The following MTMR14 variants were observed in gnomAD, a reference collection of about 807,000 sequenced individuals.
The protein encoded by MTMR14 is phosphatidylinositol-3,5-bisphosphate 3-phosphatase MTMR14.
A neutral mutation model predicts 86.3 loss-of-function variants in MTMR14; 48 were observed. The ratio of observed to expected loss-of-function variants is 0.56; its 90% CI spans 0.44 to 0.71. The LOEUF is 0.71. Among genes scored for constraint, MTMR14 ranks in the 30% least tolerant of loss-of-function variants. The pLI, the probability that MTMR14 is intolerant of heterozygous loss-of-function variation, is 0.00. For synonymous variants in MTMR14, 366 were observed against 326.1 expected (o/e 1.12, Z -1.32); for missense variants, 780 against 834.6 (o/e 0.93, Z 0.81).
At chr3:9,662,469 G>A in intron 3 of MTMR14, 94 bp downstream of exon 3, 1 of 1,020,470 alleles carries the variant, frequency 9.8e-7, no homozygotes. Context: ...CTCAACATTA[G>A]TAGCCAAGCA....
Position 9,690,114 on chromosome 3 carries a change from T to C in MTMR14, c.1584T>C (p.Gly528=), listed in dbSNP as rs752722517. ...ATTCTGATAACTTTTTCAGGATGGG[T>C]AGCAGTCCCCTGGAGGTCCCCAAAC... ...SNHSDNFFRM[G]SSPLEVPKPR... Residue 528 remains glycine, a synonymous_variant, in exon 17 of 19, where the codon GGT becomes GGC. Coordinates refer to ENST00000296003, the MANE Select transcript of MTMR14 (RefSeq NM_001077525.3). The C allele has an allele frequency of 1.9e-6, 3 of 1,613,788 alleles. No individual in the cohort carries two copies. The East Asian group carries it at 6.7e-5, about 36-fold the overall frequency.
Position 9,701,630 on chromosome 3 carries a change from T to C in MTMR14, c.1770-160T>C. 3.6e-6 allele frequency: 3 copies of C among 830,544 alleles called. No individual in the cohort carries two copies. Among genetic ancestry groups the C allele is most frequent in the South Asian group, 2.9e-5 (2 of 68,328 alleles). 51.4% of individuals were successfully genotyped at this position (830,544 alleles called of 1,614,324 possible). A position where few individuals can be genotyped will look rare whatever the true frequency, so the allele number is the denominator to read the frequency against. On this transcript the variant is annotated intron_variant, in intron 18 of 18. Coordinates refer to ENST00000296003, the MANE Select transcript of MTMR14 (RefSeq NM_001077525.3). This position sits in a 1 kb window ranked among gnomAD's most constrained non-coding sequence, Gnocchi z 4.2. Reference sequence around the variant, plus strand: ...TTTAAGGGAAAACAGGGCCAGATATTTGGGGCCTGAACCACAAGGATAGCA... The same window carrying C: ...TTTAAGGGAAAACAGGGCCAGATATCTGGGGCCTGAACCACAAGGATAGCA...
At chr3:9,672,840 A>ACTGG in intron 7 of MTMR14, 82 bp downstream of exon 7, 2 of 1,322,602 alleles carry the variant, frequency 1.5e-6, no homozygotes, top group Non-Finnish European at 2.2e-6. Context: ...ACTTAGTTAC[A>ACTGG]CTGGCGCCCT....
intron 5 of MTMR14, 106 bp from the exon 6 acceptor site, chr3:9,670,942 G>A (rs923884678): frequency 3.6e-5 from 53 of 1,467,880 alleles, no homozygotes; most frequent in Admixed American, 1.0e-4. Context: ...ACACGCCCCA[G>A]CTTCTGGAGA....
rs1198344478 is a variant in MTMR14, at chr3:9,649,557, C to G, written c.-27C>G. 7 of 1,530,082 alleles carry G rather than the reference C, an allele frequency of 4.6e-6. No individual in the cohort carries two copies. Among genetic ancestry groups the G allele is most frequent in the Non-Finnish European group, 6.1e-6 (7 of 1,139,518 alleles). 94.8% of individuals were successfully genotyped at this position (1,530,082 alleles called of 1,614,324 possible). On this transcript the variant is annotated 5_prime_UTR_variant, in exon 1 of 19. Transcript: ENST00000296003. ...GCAGGTGCCATGGGCCCGCTTGAGGCACACTGAGGGGACGCGGGGCTGGGC... is the reference window on the plus strand; with the variant it reads ...GCAGGTGCCATGGGCCCGCTTGAGGGACACTGAGGGGACGCGGGGCTGGGC...
chr3:9,692,550 T>C (rs1490405351), intron 17 of MTMR14, among the ~76,000 whole-genome samples: 1 of 152,236 alleles, frequency 6.6e-6, no homozygotes, highest in African/African-American at 2.4e-5. Context: ...CTCCCCCAGC[T>C]CTGGTTAGCA....
chr3:9,656,428 C>CTT lies in MTMR14; in HGVS notation c.308+2669_308+2670dup, dbSNP rs112998784. On this transcript the variant is annotated intron_variant, in intron 2 of 18. Coordinates refer to ENST00000296003, the MANE Select transcript of MTMR14 (RefSeq NM_001077525.3). ...TTCCAGAATTAGGTAAGCTTAGTTT[C>CTT]TTTTTTTTTTTAAGACAGAATCTTG... Among the ~76,000 whole-genome samples, 942 of 147,542 alleles carry CTT rather than the reference C, an allele frequency of 6.4e-3. 22 individuals are homozygous for CTT. Among genetic ancestry groups the CTT allele is most frequent in the African/African-American group, 0.022 (887 of 40,532 alleles).
chr3:9,668,819 A>T, intron 4 of MTMR14, 25 bp downstream of exon 4: 3 of 1,612,072 alleles, frequency 1.9e-6, no homozygotes, highest in Non-Finnish European at 2.5e-6. Flanking sequence ...GCATCCTCTG[A>T]TGTAGAATGA....
chr3:9,701,959 A>G lies in MTMR14; in HGVS notation c.1939A>G (p.Ser647Gly), dbSNP rs1473906817. ...TGGTGTTGGACTCCGGAGCATCAGC[A>G]GCAATGCCTTGTGAAGAAGCCAGCC... ...ARGVGLRSIS[S>G]NAL is the part of the protein sequence containing the mutation. Residue 647 changes from serine (S) to glycine (G), a missense_variant, in exon 19 of 19, where the codon AGC (serine) becomes GGC (glycine). By Grantham distance (56) the Ser-to-Gly change is moderately conservative. Transcript: ENST00000296003. This position sits in a 1 kb window ranked among gnomAD's most constrained non-coding sequence, Gnocchi z 4.2. 3 of 1,614,182 alleles carry G rather than the reference A, an allele frequency of 1.9e-6. No homozygotes were observed. In the East Asian group the frequency reaches 6.7e-5, roughly 36 times the overall value.
chr3:9,702,000 C>T lies in MTMR14; in HGVS notation c.*27C>T, dbSNP rs2076475714. The stretch of plus-strand genomic sequence containing the variant: ...GAAGCCAGCCCATGACATTTTCCTG[C>T]TCCTCTCTCAGCTGAGCCCTTAGCA... On this transcript the variant is annotated 3_prime_UTR_variant, in exon 19 of 19. Transcript: ENST00000296003. This position sits in a 1 kb window ranked among gnomAD's most constrained non-coding sequence, Gnocchi z 4.2. 3.1e-6 allele frequency: 5 copies of T among 1,613,530 alleles called. No homozygotes were observed. The highest frequency in any genetic ancestry group is 4.2e-6 in the Non-Finnish European group (5 of 1,179,900).
chr3:9,675,729 A>G (rs1327421039), intron 7 of MTMR14: 2 of 456,746 alleles, frequency 4.4e-6, no homozygotes, highest in South Asian at 3.1e-5. Flanking sequence ...GTTTCTCACA[A>G]AAACTGCTTC....
chr3:9,657,128 G>T (rs2047654136), intron 2 of MTMR14, among the ~76,000 whole-genome samples: 1 of 151,730 alleles, frequency 6.6e-6, no homozygotes, highest in African/African-American at 2.4e-5. Flanking sequence ...TTGCCCAGGT[G>T]GGTCTCCTGA....
At chr3:9,698,394 C>A (rs1451734635) in intron 18 of MTMR14, among the ~76,000 whole-genome samples, 1 of 152,244 alleles carries the variant, frequency 6.6e-6, no homozygotes, top group East Asian at 1.9e-4. Flanking sequence ...AGTTTCCAGC[C>A]CTTAACAGTG....
intron 17 of MTMR14, among the ~76,000 whole-genome samples, chr3:9,697,417 TGCCCTG>T (rs1239764901): frequency 6.6e-6 from 1 of 152,230 alleles, no homozygotes; most frequent in African/African-American, 2.4e-5. Flanking sequence ...AGCGCAGGCA[TGCCCTG>T]GCCCCAGGCT....
intron 2 of MTMR14, among the ~76,000 whole-genome samples, chr3:9,657,189 G>A (rs868093103): frequency 6.6e-6 from 1 of 152,140 alleles, no homozygotes; most frequent in African/African-American, 2.4e-5. Context: ...GATTAGAGGT[G>A]AGAGCCACCG....
At chr3:9,682,209 G>A (rs1343447350) in intron 9 of MTMR14, among the ~76,000 whole-genome samples, 5 of 152,310 alleles carry the variant, frequency 3.3e-5, no homozygotes, top group African/African-American at 9.6e-5. Flanking sequence ...GCACTACAGC[G>A]CCTGTCTCTG....
At position 9,701,524 on chromosome 3, in the gene MTMR14, G is replaced by GAAAAA; in HGVS notation, c.1770-256_1770-252dup. The stretch of plus-strand genomic sequence containing the variant: ...GCAATAGAGTGAGACCTTGTCTCAA[G>GAAAAA]AAAAAAAAAAAAAAGGTTAGTGTCC... On this transcript the variant is annotated intron_variant, in intron 18 of 18. Coordinates refer to ENST00000296003, the MANE Select transcript of MTMR14 (RefSeq NM_001077525.3). The surrounding 1 kb of genome is among the most constrained non-coding windows in gnomAD (Gnocchi z 4.2). 1 of 442,652 alleles carries GAAAAA rather than the reference G, an allele frequency of 2.3e-6. No homozygotes were observed. Among genetic ancestry groups the GAAAAA allele is most frequent in the Non-Finnish European group, 4.1e-6 (1 of 244,968 alleles). The allele number at this position is 442,652 out of a possible 1,614,324, so 27.4% of individuals were successfully genotyped here.
At chr3:9,680,400 T>G (rs1246669317) in intron 9 of MTMR14, among the ~76,000 whole-genome samples, 1 of 152,214 alleles carries the variant, frequency 6.6e-6, no homozygotes, top group Admixed American at 6.5e-5. Flanking sequence ...TAGCAAGCAC[T>G]GAAATGATAG....
chr3:9,688,526 G>A (rs762569677), intron 14 of MTMR14, among the ~76,000 whole-genome samples, 170 bp from the exon 15 acceptor site: 9 of 152,326 alleles, frequency 5.9e-5, no homozygotes, highest in Non-Finnish European at 1.0e-4. Flanking sequence ...GCCTTGCAGC[G>A]TGGGTCCCAG....
Sources: gnomAD v4.1 joint callset for allele counts (sites outside exome capture counted in the v4.1 genomes callset) on GRCh38, gnomAD v4.1.1 for gene constraint, Gnocchi (gnomAD v3.1) non-coding constraint, MANE v1.5 for transcripts, NCBI Gene and HGNC (gene_info 2026-07-23, HGNC 2026-07-21) for gene names.